The following NLRC5 variants were observed in gnomAD, a reference collection of about 807,000 sequenced individuals.
NLRC5 encodes NLR family CARD domain containing 5.
Under a neutral mutation model 206.9 loss-of-function variants are expected in NLRC5, and 114 were observed. The ratio of observed to expected loss-of-function variants is 0.55; its 90% confidence interval spans 0.47 to 0.64. The LOEUF is 0.64. NLRC5 is among the 30% of genes least tolerant of loss of function. The pLI is 0.00. For missense variants in NLRC5, 2,008 were observed against 2,305.5 expected (o/e 0.87, Z 2.64); for synonymous variants, 952 against 962.8 (o/e 0.99, Z 0.21).
chr16:57,012,308 G>A (rs1168257876), intron 1 of NLRC5, among the ~76,000 whole-genome samples: 3 of 152,146 alleles, frequency 2.0e-5, no homozygotes, highest in Admixed American at 6.5e-5. Context: ...GATAATGCTG[G>A]TACAAACATT....
chr16:56,992,712 G>A (rs1175156449), intron 1 of NLRC5, among the ~76,000 whole-genome samples: 1 of 151,806 alleles, frequency 6.6e-6, no homozygotes, highest in Admixed American at 6.6e-5. Flanking sequence ...CCTGACCTCA[G>A]GTGATCCACC....
At chr16:57,051,419 A>G (rs1329243931) in intron 23 of NLRC5, 119 bp from the exon 24 acceptor site, 2 of 738,916 alleles carry the variant, frequency 2.7e-6, no homozygotes, top group African/African-American at 1.7e-5. Flanking sequence ...CAGTGCTGGG[A>G]GGGAATGTTT....
intron 38 of NLRC5, among the ~76,000 whole-genome samples, chr16:57,073,164 C>T (rs1206539451): frequency 6.6e-6 from 1 of 152,216 alleles, no homozygotes; most frequent in Non-Finnish European, 1.5e-5. Flanking sequence ...TTCATCCATG[C>T]CCCTGGGGGC....
chr16:57,017,804 T>C (rs554873117), intron 2 of NLRC5, among the ~76,000 whole-genome samples: 1 of 152,288 alleles, frequency 6.6e-6, no homozygotes, highest in South Asian at 2.1e-4. Flanking sequence ...GGCAGAGAAG[T>C]GTAATCCCAC....
At position 57,070,467 on chromosome 16, in the gene NLRC5, G is replaced by C. The variant is rs1051433515; in HGVS notation, c.4584-68G>C. ...GGGGACAGAGCAGGAGAGGGGAGCTGACAGGACAGCTCAGCTCCAGGGCTG... is the reference window on the plus strand; with the variant it reads ...GGGGACAGAGCAGGAGAGGGGAGCTCACAGGACAGCTCAGCTCCAGGGCTG... On this transcript the variant is annotated intron_variant, in intron 37 of 48. Coordinates refer to ENST00000688547, the MANE Select transcript of NLRC5 (RefSeq NM_001384950.1). The C allele has an allele frequency of 2.5e-4, 350 of 1,413,824 alleles. 2 individuals carry two copies. In the South Asian group the frequency reaches 2.7e-3, roughly 11 times the overall value. 87.6% of individuals were successfully genotyped at this position (1,413,824 alleles called of 1,614,324 possible). A position where few individuals can be genotyped will look rare whatever the true frequency, so the allele number is the denominator to read the frequency against.
chr16:57,071,074 GT>G, intron 38 of NLRC5, among the ~76,000 whole-genome samples: 1 of 124,490 alleles, frequency 8.0e-6, no homozygotes, highest in African/African-American at 3.3e-5. Flanking sequence ...ATGGGGAAGA[GT>G]TGTGAGTGAG....
intron 8 of NLRC5, among the ~76,000 whole-genome samples, chr16:57,028,984 A>T (rs148603892): frequency 6.6e-6 from 1 of 152,288 alleles, no homozygotes; most frequent in East Asian, 1.9e-4. Context: ...CCCTGGCAGA[A>T]CGCTGCTAGT....
intron 19 of NLRC5, among the ~76,000 whole-genome samples, chr16:57,043,258 G>A (rs1207942576): frequency 6.6e-6 from 1 of 152,114 alleles, no homozygotes; most frequent in African/African-American, 2.4e-5. Context: ...ATCACAGACC[G>A]AGGGACCCAC....
intron 32 of NLRC5, chr16:57,062,125 T>G (rs1252190448): frequency 1.8e-5 from 18 of 999,836 alleles, no homozygotes; most frequent in Non-Finnish European, 2.5e-5. Flanking sequence ...TCATACTTTT[T>G]TTATATTTGC....
chr16:57,004,952 G>A (rs541907483), intron 1 of NLRC5, among the ~76,000 whole-genome samples: 3 of 152,224 alleles, frequency 2.0e-5, no homozygotes, highest in African/African-American at 7.2e-5. Context: ...GAACTGGGGT[G>A]GCATGATCCC....
intron 1 of NLRC5, among the ~76,000 whole-genome samples, chr16:57,014,652 G>T (rs973680486): frequency 1.3e-5 from 2 of 152,326 alleles, no homozygotes; most frequent in East Asian, 3.9e-4. Context: ...TTAACTTAGA[G>T]TGGGTTTTAT....
intron 27 of NLRC5, among the ~76,000 whole-genome samples, chr16:57,055,923 G>A (rs376433277): frequency 1.6e-4 from 25 of 152,336 alleles, no homozygotes; most frequent in African/African-American, 6.0e-4. Flanking sequence ...TTGTTGAGAT[G>A]TGGTATCTGC....
chr16:57,042,815 G>A (rs13334365), intron 19 of NLRC5, among the ~76,000 whole-genome samples: 1 of 152,192 alleles, frequency 6.6e-6, no homozygotes, highest in Admixed American at 6.5e-5. Flanking sequence ...TCTGAAATGA[G>A]TGCTGGGGCC....
intron 1 of NLRC5, among the ~76,000 whole-genome samples, chr16:57,009,716 A>T (rs942469870): frequency 5.3e-5 from 8 of 152,234 alleles, no homozygotes; most frequent in Non-Finnish European, 1.2e-4. Context: ...AAAGCCAAAA[A>T]TAACCAACCA....
chr16:57,069,175 C>T (rs2067369045), intron 36 of NLRC5, among the ~76,000 whole-genome samples: 1 of 152,230 alleles, frequency 6.6e-6, no homozygotes, highest in Non-Finnish European at 1.5e-5. Flanking sequence ...AAGTCTTCCT[C>T]AAACTCTCAT....
At chr16:57,042,257 T>C (rs1427178933) in intron 19 of NLRC5, among the ~76,000 whole-genome samples, 192 bp downstream of exon 19, 1 of 152,192 alleles carries the variant, frequency 6.6e-6, no homozygotes, top group East Asian at 1.9e-4. Flanking sequence ...TGTGACTCAA[T>C]AATCCCACTT....
chr16:57,033,388 C>A (rs966040670), intron 11 of NLRC5, among the ~76,000 whole-genome samples: 7 of 152,200 alleles, frequency 4.6e-5, no homozygotes, highest in Admixed American at 2.6e-4. Context: ...CATGGCAGAG[C>A]CAAAATTTGA....
rs776767450 is a variant in NLRC5, at chr16:57,082,413, A to G, written c.5490-4A>G. On this transcript the variant is annotated splice_polypyrimidine_tract_variant and splice_region_variant and intron_variant, in intron 48 of 48. Coordinates refer to ENST00000688547, the MANE Select transcript of NLRC5 (RefSeq NM_001384950.1). ...GAATGAGTGCCTATATCTGTGCCCC[A>G]CAGCCTCTGGAATAACCCCATTCCC... The G allele has an allele frequency of 6.2e-7, 1 of 1,607,296 alleles. No homozygotes were observed. The highest frequency in any genetic ancestry group is 8.5e-7 in the Non-Finnish European group (1 of 1,174,974).
Position 57,029,998 on chromosome 16 carries a change from G to T in NLRC5, c.2331G>T (p.Leu777=), listed in dbSNP as rs377146001. 2 of 1,614,038 alleles carry T rather than the reference G, an allele frequency of 1.2e-6. No individual in the cohort carries two copies. The highest frequency in any genetic ancestry group is 1.7e-6 in the Non-Finnish European group (2 of 1,180,024). The change falls in exon 10 of 49, where the codon CTG becomes CTT. Residue 777 remains leucine (L), a synonymous_variant. Coordinates refer to ENST00000688547, the MANE Select transcript of NLRC5 (RefSeq NM_001384950.1). ...CACCTTTGCCACAATCTTGCAGCCT[G>T]AGCAGCAACAGCATCTGCGTGTCAA... ...PHLPRLRKLD[L]SSNSICVSTL...
Sources: allele counts gnomAD v4.1 joint callset (sites outside exome capture counted in the v4.1 genomes callset), GRCh38; gene constraint gnomAD v4.1.1; transcripts MANE v1.5; gene names NCBI Gene and HGNC (gene_info 2026-07-23, HGNC 2026-07-21).